Variants in MARCHF1 observed in about 807,000 individuals in gnomAD.
MARCHF1 encodes E3 ubiquitin-protein ligase MARCHF1.
In MARCHF1, 40 loss-of-function variants were observed where a neutral mutation model predicts 54.2. The ratio of observed to expected loss-of-function variants is 0.74; its 90% CI spans 0.57 to 0.96. The LOEUF (loss-of-function observed/expected upper bound fraction) is 0.96. Among genes scored for constraint, MARCHF1 ranks in the 40% least tolerant of loss-of-function variants. The probability of loss-of-function intolerance (pLI) is 0.00; values close to 1 mark genes in which losing one functional copy is unlikely to be tolerated. For missense variants in MARCHF1, 586 were observed against 656.5 expected (o/e 0.89, Z 1.17); for synonymous variants, 236 against 236.3 (o/e 1.00, Z 0.01).
chr4:164,241,130 G>C (rs1425281392), intron 1 of MARCHF1, among the ~76,000 whole-genome samples: 2 of 151,956 alleles, frequency 1.3e-5, no homozygotes, highest in Non-Finnish European at 2.9e-5. Flanking sequence ...TCGTACCAAG[G>C]AACTGACTCA....
At chr4:163,697,157 G>A (rs1016716455) in intron 5 of MARCHF1, among the ~76,000 whole-genome samples, 1 of 152,072 alleles carries the variant, frequency 6.6e-6, no homozygotes, top group Non-Finnish European at 1.5e-5. Context: ...TTGCCACCAG[G>A]GGAGCTCGTA....
intron 5 of MARCHF1, among the ~76,000 whole-genome samples, chr4:163,623,359 G>A (rs1479326203): frequency 6.6e-6 from 1 of 152,282 alleles, no homozygotes; most frequent in East Asian, 1.9e-4. Flanking sequence ...CTGGTACACT[G>A]GGTCACGACT....
At chr4:163,548,350 A>G (rs965542571) in intron 8 of MARCHF1, among the ~76,000 whole-genome samples, 1 of 150,262 alleles carries the variant, frequency 6.7e-6, no homozygotes, top group African/African-American at 2.5e-5. Flanking sequence ...TCAACCCTCA[A>G]TTATAAAATT....
intron 1 of MARCHF1, among the ~76,000 whole-genome samples, chr4:164,136,925 A>T (rs67921457): frequency 0.11 from 17,299 of 152,228 alleles, 1,357 homozygotes; most frequent in African/African-American, 0.22. Context: ...ATATCAAAAA[A>T]ATTACACCAT....
At chr4:164,369,923 CA>C (rs1359884564) in intron 1 of MARCHF1, among the ~76,000 whole-genome samples, 8 of 152,116 alleles carry the variant, frequency 5.3e-5, no homozygotes, top group Non-Finnish European at 7.4e-5. Flanking sequence ...CATGCATCAC[CA>C]ATAAACATTT....
At chr4:163,548,509 A>G (rs1236364836) in intron 8 of MARCHF1, among the ~76,000 whole-genome samples, 1 of 152,240 alleles carries the variant, frequency 6.6e-6, no homozygotes, top group African/African-American at 2.4e-5. Context: ...AGATTCATCT[A>G]GTTCCAGACA....
chr4:163,785,628 A>G (rs77902449), intron 4 of MARCHF1, among the ~76,000 whole-genome samples: 2,305 of 152,158 alleles, frequency 0.015, 60 homozygotes, highest in African/African-American at 0.051. Flanking sequence ...ATAAAAGTTA[A>G]GATTCCACTT....
At chr4:163,793,795 C>T (rs1747835033) in intron 4 of MARCHF1, among the ~76,000 whole-genome samples, 1 of 152,132 alleles carries the variant, frequency 6.6e-6, no homozygotes, top group South Asian at 2.1e-4. Context: ...ATGCAGCCCC[C>T]AGTCACGTAC....
At chr4:163,904,332 CCT>C (rs1444369955) in intron 3 of MARCHF1, among the ~76,000 whole-genome samples, 1 of 152,126 alleles carries the variant, frequency 6.6e-6, no homozygotes, top group Non-Finnish European at 1.5e-5. Context: ...TAGAGCGCTC[CCT>C]GTGTCTTAGC....
chr4:163,877,407 C>T (rs796209578), intron 3 of MARCHF1, among the ~76,000 whole-genome samples: 59 of 151,552 alleles, frequency 3.9e-4, no homozygotes, highest in African/African-American at 1.4e-3. Context: ...ACCACTGCCT[C>T]GGTCCCACCC....
chr4:163,625,999 T>C (rs1200351424), intron 5 of MARCHF1, among the ~76,000 whole-genome samples: 3 of 152,150 alleles, frequency 2.0e-5, no homozygotes, highest in African/African-American at 7.2e-5. Flanking sequence ...AGGTGTAAGA[T>C]TGAAATGGGG....
At chr4:163,542,209 G>GA (rs553124218) in intron 9 of MARCHF1, among the ~76,000 whole-genome samples, 3 of 152,042 alleles carry the variant, frequency 2.0e-5, no homozygotes, top group Non-Finnish European at 4.4e-5. Context: ...AGCTGAGAAA[G>GA]AAAAAAATAT....
intron 3 of MARCHF1, among the ~76,000 whole-genome samples, chr4:163,877,073 G>A (rs1750305686): frequency 6.6e-6 from 1 of 151,994 alleles, no homozygotes; most frequent in African/African-American, 2.4e-5. Context: ...ATCTCCACAG[G>A]TTTCTGAATA....
At chr4:163,948,349 T>C (rs1338251482) in intron 3 of MARCHF1, among the ~76,000 whole-genome samples, 6 of 152,342 alleles carry the variant, frequency 3.9e-5, no homozygotes, top group Admixed American at 3.3e-4. Flanking sequence ...TTATTCTCAT[T>C]AGGAAAGAGC....
At chr4:163,858,634 G>T (rs944138777) in intron 3 of MARCHF1, among the ~76,000 whole-genome samples, 1 of 152,134 alleles carries the variant, frequency 6.6e-6, no homozygotes, top group East Asian at 1.9e-4. Flanking sequence ...TAATAATAAA[G>T]TTCAGTTTCC....
chr4:164,226,061 A>G lies in MARCHF1; in HGVS notation c.-322-114399T>C, dbSNP rs184373964. Among the ~76,000 whole-genome samples the G allele has an allele frequency of 1.6e-3, 242 of 152,166 alleles. 1 individual carries two copies. The highest frequency in any genetic ancestry group is 2.3e-3 in the Non-Finnish European group (157 of 67,958). On this transcript the variant is annotated intron_variant, in intron 1 of 9. Transcript: ENST00000514618. ...CACAATCAACTCGCCTTCACCATTT[A>G]TGATCTTCCATTTATTTTCTTTTTT... is the stretch of plus-strand genomic sequence containing the variant.
chr4:164,307,211 C>A (rs1022932132), intron 1 of MARCHF1, among the ~76,000 whole-genome samples: 5 of 152,090 alleles, frequency 3.3e-5, no homozygotes, highest in African/African-American at 1.2e-4. Flanking sequence ...ATATATAAAT[C>A]TAAAGAATAG....
chr4:163,651,857 T>A (rs1038801316), intron 5 of MARCHF1, among the ~76,000 whole-genome samples: 1 of 151,670 alleles, frequency 6.6e-6, no homozygotes, highest in Non-Finnish European at 1.5e-5. Flanking sequence ...GATCAGCAGT[T>A]TCCTAATTGG....
intron 3 of MARCHF1, among the ~76,000 whole-genome samples, chr4:163,958,211 CTT>C (rs1269021352): frequency 6.6e-6 from 1 of 151,148 alleles, no homozygotes; most frequent in Non-Finnish European, 1.5e-5. Context: ...AAACAGCAAA[CTT>C]TTGCTTTCCC....
Sources: gnomAD v4.1 joint callset for allele counts (sites outside exome capture counted in the v4.1 genomes callset) on GRCh38, gnomAD v4.1.1 for gene constraint, MANE v1.5 for transcripts, NCBI Gene and HGNC (gene_info 2026-07-23, HGNC 2026-07-21) for gene names.